MAGI1: variants seen among roughly 807,000 people sequenced by gnomAD.
MAGI1 encodes membrane associated guanylate kinase, WW and PDZ domain containing 1.
Under a neutral mutation model 139.9 loss-of-function variants are expected in MAGI1, and 58 were observed. The observed-to-expected ratio is 0.41, with a 90% CI of 0.34 to 0.52. The LOEUF (loss-of-function observed/expected upper bound fraction) is 0.52, where lower values mean the gene tolerates loss of function less well. Among genes scored for constraint, MAGI1 ranks in the 20% least tolerant of loss-of-function variants. MAGI1 has a pLI of 0.12. For synonymous variants in MAGI1, 812 were observed against 737.9 expected (o/e 1.10, Z -1.63); for missense variants, 1,874 against 1,901.6 (o/e 0.99, Z 0.27).
At chr3:65,440,094 C>T in intron 8 of MAGI1, 82 bp from the exon 9 acceptor site, 4 of 1,484,138 alleles carry the variant, frequency 2.7e-6, no homozygotes, top group Non-Finnish European at 3.7e-6. Context: ...TCCCTGGAAT[C>T]AAACTGAGCA....
At chr3:65,702,308 T>C (rs1371708995) in intron 1 of MAGI1, among the ~76,000 whole-genome samples, 1 of 152,174 alleles carries the variant, frequency 6.6e-6, no homozygotes, top group Admixed American at 6.5e-5. Flanking sequence ...AACCACCTCT[T>C]GGATGTAGTC....
intron 1 of MAGI1, among the ~76,000 whole-genome samples, chr3:65,928,326 C>T (rs1461559078): frequency 6.6e-6 from 1 of 152,184 alleles, no homozygotes; most frequent in Non-Finnish European, 1.5e-5. Flanking sequence ...CTGCCCAGAG[C>T]TGGTTCTTAA....
rs905357510 is a variant in MAGI1 at position 65,582,823 on chromosome 3, C to T, written c.430+39149G>A. Among the ~76,000 whole-genome samples the T allele has an allele frequency of 4.6e-5, 7 of 152,172 alleles. No homozygotes were observed. The East Asian group carries it at 5.8e-4, about 13-fold the overall frequency. ...AATGTGTGTTTTCCAAAGATACATA[C>T]GCCACATCAGCAAATGAACGCTGAC... On this transcript the variant is annotated intron_variant, in intron 2 of 22. Coordinates refer to ENST00000402939, the MANE Select transcript of MAGI1 (RefSeq NM_001033057.2).
intron 1 of MAGI1, among the ~76,000 whole-genome samples, chr3:65,664,471 G>A (rs1000981299): frequency 2.0e-5 from 3 of 152,104 alleles, no homozygotes; most frequent in Non-Finnish European, 4.4e-5. Flanking sequence ...TTTTACAGAC[G>A]AAAAAACTCT....
At chr3:65,362,223 C>A (rs528534211) in intron 21 of MAGI1, among the ~76,000 whole-genome samples, 119 of 152,246 alleles carry the variant, frequency 7.8e-4, no homozygotes, top group African/African-American at 2.7e-3. Context: ...CTGCTGGCAT[C>A]AAATCAGGTA....
intron 2 of MAGI1, among the ~76,000 whole-genome samples, chr3:65,501,957 TG>T (rs944878073): frequency 2.0e-5 from 3 of 152,212 alleles, no homozygotes; most frequent in Non-Finnish European, 4.4e-5. Flanking sequence ...ACACACTGTA[TG>T]ATTACTCCAT....
At chr3:65,803,354 C>T (rs2108144589) in intron 1 of MAGI1, among the ~76,000 whole-genome samples, 2 of 152,096 alleles carry the variant, frequency 1.3e-5, no homozygotes, top group East Asian at 3.9e-4. Flanking sequence ...TACATTTTCC[C>T]TCAATGCTCA....
chr3:65,476,667 G>C lies in MAGI1; in HGVS notation c.757+1925C>G, dbSNP rs142908727. The stretch of plus-strand genomic sequence containing the variant: ...ACCACCCAATCTGCTTGGCAGAACT[G>C]TTTTGCCGCACACTACCCCCAAAGT... On this transcript the variant is annotated intron_variant, in intron 4 of 22. Coordinates refer to ENST00000402939, the MANE Select transcript of MAGI1 (RefSeq NM_001033057.2). Among the ~76,000 whole-genome samples the C allele has an allele frequency of 5.4e-4, 82 of 152,266 alleles. 1 individual carries two copies. The East Asian group carries it at 0.015, about 29-fold the overall frequency.
At chr3:65,778,579 G>T (rs558445369) in intron 1 of MAGI1, among the ~76,000 whole-genome samples, 15 of 152,240 alleles carry the variant, frequency 9.9e-5, no homozygotes, top group South Asian at 4.1e-4. Flanking sequence ...ACACCCAGAA[G>T]ATGGGGACCA....
At chr3:65,613,912 G>A (rs890661245) in intron 2 of MAGI1, among the ~76,000 whole-genome samples, 53 of 152,134 alleles carry the variant, frequency 3.5e-4, no homozygotes, top group Admixed American at 3.3e-3. Flanking sequence ...TGTTTGGGAA[G>A]TCATGCTAGA....
At chr3:65,701,879 G>A (rs993787687) in intron 1 of MAGI1, among the ~76,000 whole-genome samples, 1 of 152,168 alleles carries the variant, frequency 6.6e-6, no homozygotes, top group Non-Finnish European at 1.5e-5. Context: ...TGGTAGCCGT[G>A]ATAAAATTTT....
chr3:65,659,691 A>T (rs998472430), intron 1 of MAGI1, among the ~76,000 whole-genome samples: 8 of 152,198 alleles, frequency 5.3e-5, no homozygotes, highest in African/African-American at 1.7e-4. Flanking sequence ...TCACTTTGCA[A>T]TAAATCTTGC....
chr3:65,585,618 T>C, intron 2 of MAGI1, among the ~76,000 whole-genome samples: 1 of 152,190 alleles, frequency 6.6e-6, no homozygotes, highest in Admixed American at 6.5e-5. Flanking sequence ...CAGTTTCTTA[T>C]AAAGTTGGAC....
intron 1 of MAGI1, among the ~76,000 whole-genome samples, chr3:65,801,678 T>A (rs1032334671): frequency 2.0e-5 from 3 of 152,220 alleles, no homozygotes; most frequent in Non-Finnish European, 4.4e-5. Context: ...AAAATGCAGA[T>A]AGGTTTTAAA....
intron 14 of MAGI1, 99 bp downstream of exon 14, chr3:65,391,043 G>T: frequency 1.9e-6 from 2 of 1,054,544 alleles, no homozygotes; most frequent in Non-Finnish European, 2.8e-6. Context: ...ACTTTACCCA[G>T]TTTACACACT....
chr3:65,467,758 T>A (rs1454335327), intron 5 of MAGI1, among the ~76,000 whole-genome samples: 2 of 152,234 alleles, frequency 1.3e-5, no homozygotes, highest in Non-Finnish European at 2.9e-5. Context: ...GAATCTGAGT[T>A]TCACAGATTA....
chr3:65,375,157 G>A (rs1032671522), intron 18 of MAGI1, among the ~76,000 whole-genome samples: 2 of 150,522 alleles, frequency 1.3e-5, no homozygotes, highest in African/African-American at 4.9e-5. Context: ...AGCTAAATAA[G>A]TTGAGGAAAG....
chr3:66,016,978 G>A (rs761443561), intron 1 of MAGI1, among the ~76,000 whole-genome samples: 3 of 152,156 alleles, frequency 2.0e-5, no homozygotes, highest in Non-Finnish European at 4.4e-5. Flanking sequence ...AGGTCACCAG[G>A]GGCCAGGGGA....
In MAGI1 at chr3:65,688,511, G is replaced by A. The variant is rs1483226426; in HGVS notation, c.314-66423C>T. On this transcript the variant is annotated intron_variant, in intron 1 of 22. Transcript: ENST00000402939. The stretch of plus-strand genomic sequence containing the variant: ...TTCCTACCCAAGGGGGAAGACTGAG[G>A]CTTAAGGTAGGTGCTACTGGTAGGT... The A allele has an allele frequency of 1.4e-5, 6 of 436,062 alleles. No individual in the cohort carries two copies. In the Admixed American group the frequency reaches 1.7e-4, roughly 13 times the overall value. 27.0% of individuals were successfully genotyped at this position (436,062 alleles called of 1,614,324 possible).
Sources: allele counts gnomAD v4.1 joint callset (sites outside exome capture counted in the v4.1 genomes callset), GRCh38; gene constraint gnomAD v4.1.1; transcripts MANE v1.5; gene names NCBI Gene and HGNC (gene_info 2026-07-23, HGNC 2026-07-21).